The following MYH7B variants were observed in gnomAD, a reference collection of about 807,000 sequenced individuals.
The protein encoded by MYH7B is myosin-7B.
MYH7B carries 205 observed loss-of-function variants against 234.5 expected under a neutral mutation model. That is an observed-to-expected ratio of 0.87 (90% CI 0.78 to 0.98). The LOEUF is 0.98. MYH7B is among the 50% of genes least tolerant of loss of function. MYH7B has a pLI of 0.00. For missense variants in MYH7B, 2,652 were observed against 2,633.4 expected, an observed-to-expected ratio of 1.01 and a Z score of -0.15; for synonymous variants, 1,193 against 1,105.0, an observed-to-expected ratio of 1.08 and a Z score of -1.58.
At chr20:34,969,039 C>A (rs1418557774) in intron 2 of MYH7B, among the ~76,000 whole-genome samples, 2 of 152,208 alleles carry the variant, frequency 1.3e-5, no homozygotes. Context: ...CCTACTGCCC[C>A]CTCCTGCTGC....
At chr20:34,994,474 A>C (rs1169120032) in intron 27 of MYH7B, 73 bp downstream of exon 27, 5 of 1,475,716 alleles carry the variant, frequency 3.4e-6, no homozygotes, top group Non-Finnish European at 4.5e-6. Context: ...GGGATAGTAC[A>C]GCGAGACCCA....
rs1354651963 is a variant in MYH7B, at chr20:35,000,765, C to T, written c.5179-3C>T. 2 of 1,611,966 alleles carry T rather than the reference C, an allele frequency of 1.2e-6. No homozygotes were observed. The highest frequency in any genetic ancestry group is 1.6e-4 in the Middle Eastern group (1 of 6,062). ...CTGGCTCTGAGACTCCTCTTCCCCT[C>T]AGAACACAGGCCTCCTAAACCAGAA... On this transcript the variant is annotated splice_region_variant and splice_polypyrimidine_tract_variant and intron_variant, in intron 39 of 44. Transcript: ENST00000262873.
At chr20:34,963,352 C>A (rs988711802) in intron 2 of MYH7B, among the ~76,000 whole-genome samples, 2 of 152,190 alleles carry the variant, frequency 1.3e-5, no homozygotes, top group Non-Finnish European at 2.9e-5. Flanking sequence ...ATGCGCATAT[C>A]TTTTCATGTG....
At chr20:35,001,652 CTTCTAACATCT>C in intron 43 of MYH7B, 126 bp downstream of exon 43, 1 of 872,986 alleles carries the variant, frequency 1.1e-6, no homozygotes, top group Middle Eastern at 3.5e-4. Context: ...AAGAGAGAAG[CTTCTAACATCT>C]CTGGGGAGAT....
exon 23 of MYH7B, chr20:34,990,786 TTCGTCCGCTGCATTG>T (rs1363592399): frequency 1.2e-6 from 2 of 1,613,974 alleles, no homozygotes; most frequent in African/African-American, 2.7e-5. Flanking sequence ...ACAGCCCCAC[TTCGTCCGCTGCATTG>T]TCCCCAACGA....
chr20:34,975,851 G>T (rs2081847060), intron 3 of MYH7B, among the ~76,000 whole-genome samples: 1 of 152,148 alleles, frequency 6.6e-6, no homozygotes, highest in Non-Finnish European at 1.5e-5. Context: ...GAGTAGCTGG[G>T]ACTACAGGCG....
chr20:34,990,598 C>T lies in MYH7B; in HGVS notation c.1978-140C>T, dbSNP rs2082127277. The T allele has an allele frequency of 3.8e-6, 3 of 796,236 alleles. No homozygotes were observed. In the Admixed American group the frequency reaches 6.1e-5, roughly 16 times the overall value. The allele number at this position is 796,236 out of a possible 1,614,324, so 49.3% of individuals were successfully genotyped here. A position where few individuals can be genotyped will look rare whatever the true frequency, so the allele number is the denominator to read the frequency against. ...GGTGATGGGAGACAGCGAAGGGTCT[C>T]CCATCACCAGAATGAGAGTGAAAGA... On this transcript the variant is annotated intron_variant, in intron 22 of 44. Transcript: ENST00000262873.
At chr20:34,959,592 C>G (rs1011671315) in intron 2 of MYH7B, among the ~76,000 whole-genome samples, 2 of 151,960 alleles carry the variant, frequency 1.3e-5, no homozygotes, top group Non-Finnish European at 2.9e-5. Flanking sequence ...ATTCTCCTGC[C>G]TCAGTCTCCC....
intron 18 of MYH7B, 70 bp from the exon 19 acceptor site, chr20:34,988,022 A>G: frequency 6.3e-7 from 1 of 1,575,792 alleles, no homozygotes; most frequent in Non-Finnish European, 8.6e-7. Flanking sequence ...GGGTGAACTC[A>G]TGCCCCTCCC....
intron 1 of MYH7B, among the ~76,000 whole-genome samples, chr20:34,957,038 C>T (rs1474090334): frequency 1.3e-5 from 2 of 152,186 alleles, no homozygotes; most frequent in East Asian, 3.9e-4. Flanking sequence ...TGGGTGACAG[C>T]GTGAGACCCT....
chr20:34,986,797 C>T (rs2147193947), intron 14 of MYH7B, 89 bp from the exon 15 acceptor site: 1 of 1,086,026 alleles, frequency 9.2e-7, no homozygotes, highest in Non-Finnish European at 1.4e-6. Flanking sequence ...CTGGGCTTGC[C>T]CCCGCAGGAC....
chr20:34,975,996 G>A (rs746749500), intron 3 of MYH7B, among the ~76,000 whole-genome samples: 5 of 152,168 alleles, frequency 3.3e-5, no homozygotes, highest in Admixed American at 6.5e-5. Flanking sequence ...GATTACAGGC[G>A]TGAGCCACTG....
In MYH7B at chr20:34,994,331, G is replaced by A. The variant is rs763806600; in HGVS notation, c.2630G>A (p.Arg877His). The change falls in exon 27 of 45, where the codon CGC (arginine) becomes CAC (histidine). Residue 877 changes from arginine to histidine, a missense_variant. Physicochemically the swap from Arg to His is conservative, Grantham distance 29. Coordinates refer to ENST00000262873, the Ensembl canonical transcript of MYH7B. The stretch of plus-strand genomic sequence containing the variant: ...GCGCTGGCTGCGGCCGAGGCCAAGC[G>A]CCAGGAACTGGAGGAGACGCACGTC... 65 of 1,609,186 alleles carry A rather than the reference G, an allele frequency of 4.0e-5. No homozygotes were observed. The highest frequency in any genetic ancestry group is 4.9e-5 in the Non-Finnish European group (58 of 1,177,830).
intron 26 of MYH7B, among the ~76,000 whole-genome samples, chr20:34,993,674 A>C (rs2082200085): frequency 6.6e-6 from 1 of 152,246 alleles, no homozygotes; most frequent in Non-Finnish European, 1.5e-5. Context: ...CCATTTCAGG[A>C]CATCAGCGTG....
chr20:34,997,318 A>G, exon 32 of MYH7B: 1 of 1,551,552 alleles, frequency 6.4e-7, no homozygotes, highest in Non-Finnish European at 8.7e-7. Context: ...GTGGAGAAGC[A>G]GCGTGCAGAG....
intron 2 of MYH7B, among the ~76,000 whole-genome samples, chr20:34,958,596 G>A (rs1301373664): frequency 6.6e-6 from 1 of 152,126 alleles, no homozygotes; most frequent in Admixed American, 6.6e-5. Context: ...CTCCTGAGTA[G>A]CTGGGATTAC....
chr20:34,997,935 A>G (rs2082295013), intron 32 of MYH7B, among the ~76,000 whole-genome samples: 1 of 152,034 alleles, frequency 6.6e-6, no homozygotes, highest in Admixed American at 6.6e-5. Flanking sequence ...ACTCTGACTT[A>G]ATACCTGTCC....
intron 2 of MYH7B, among the ~76,000 whole-genome samples, chr20:34,974,673 C>T (rs79197732): frequency 0.086 from 13,135 of 152,218 alleles, 634 homozygotes; most frequent in South Asian, 0.13. Flanking sequence ...GAAACCCTAC[C>T]TTCTGAGCAT....
intron 2 of MYH7B, among the ~76,000 whole-genome samples, chr20:34,966,180 C>T (rs6119550): frequency 8.7e-4 from 132 of 152,336 alleles, no homozygotes; most frequent in African/African-American, 3.0e-3. Flanking sequence ...GGTGGGTGGC[C>T]TCAGCCACCA....
Sources: allele counts gnomAD v4.1 joint callset (sites outside exome capture counted in the v4.1 genomes callset), GRCh38; gene constraint gnomAD v4.1.1; transcripts MANE v1.5; gene names NCBI Gene and HGNC (gene_info 2026-07-23, HGNC 2026-07-21).